Variants in KIAA1217 observed in about 807,000 individuals in gnomAD.
KIAA1217 encodes the protein KIAA1217, also known as sickle tail protein homolog.
A neutral mutation model predicts 163.9 loss-of-function variants in KIAA1217; 88 were observed. The ratio of observed to expected loss-of-function variants is 0.54; its 90% confidence interval spans 0.45 to 0.64. The LOEUF is 0.64. KIAA1217 is among the 30% of genes least tolerant of loss of function. The probability of loss-of-function intolerance (pLI) is 0.00; values close to 1 mark genes in which losing one functional copy is unlikely to be tolerated. For synonymous variants in KIAA1217, 903 were observed against 923.1 expected (o/e 0.98, Z 0.39); for missense variants, 2,372 against 2,475.0 (o/e 0.96, Z 0.88).
rs191465768 is a variant in KIAA1217 at position 24,286,121 on chromosome 10, G to A, written c.354+66212G>A. Among the ~76,000 whole-genome samples the A allele has an allele frequency of 3.4e-3, 516 of 152,110 alleles. 3 individuals are homozygous for A. The highest frequency in any genetic ancestry group is 4.3e-3 in the Non-Finnish European group (295 of 67,970). On this transcript the variant is annotated intron_variant, in intron 2 of 20. Transcript: ENST00000376454. ...TCTAGGAGCCTTTTGGCAAAGTCTA[G>A]GTTTTTCTAAGTGTAGAATTGTGTA...
At position 24,069,118 on chromosome 10, in the gene KIAA1217, C is replaced by A. The variant is rs370208521; in HGVS notation, c.-171+61744C>A. ...TGCATTGAGCCAGGGGGCAGAGCTA[C>A]GGCAAGTGTTCATGGGCTAGTTCAA... On this transcript the variant is annotated intron_variant, in intron 2 of 18. Transcript: ENST00000376462. 2.0e-5 allele frequency among the ~76,000 whole-genome samples: 3 copies of A among 152,308 alleles called. No homozygotes were observed. The South Asian group carries it at 6.2e-4, about 32-fold the overall frequency.
intron 11 of KIAA1217, among the ~76,000 whole-genome samples, chr10:24,520,532 T>G (rs2070939541): frequency 6.7e-6 from 1 of 148,544 alleles, no homozygotes. Context: ...CCGGGATGCA[T>G]GTGCCAAACC....
intron 1 of KIAA1217, among the ~76,000 whole-genome samples, chr10:23,780,326 A>G (rs1386650515): frequency 3.3e-5 from 5 of 152,074 alleles, no homozygotes; most frequent in African/African-American, 4.8e-5. Flanking sequence ...GCATGACAAT[A>G]TTATTAACTA....
At chr10:24,357,694 GC>G (rs2049298220) in intron 2 of KIAA1217, among the ~76,000 whole-genome samples, 2 of 152,154 alleles carry the variant, frequency 1.3e-5, no homozygotes, top group Admixed American at 1.3e-4. Context: ...CAAGGAAGGG[GC>G]GTTTTAGTGA....
At chr10:24,433,510 C>T (rs538859740) in intron 4 of KIAA1217, among the ~76,000 whole-genome samples, 16 of 152,028 alleles carry the variant, frequency 1.1e-4, no homozygotes, top group Non-Finnish European at 1.8e-4. Context: ...CTTATAAAAA[C>T]GAGGACAAAT....
intron 2 of KIAA1217, among the ~76,000 whole-genome samples, chr10:24,270,189 AT>A (rs2076640152): frequency 6.6e-6 from 1 of 152,202 alleles, no homozygotes; most frequent in Non-Finnish European, 1.5e-5. Flanking sequence ...CTTTCTTAGT[AT>A]ACCTTTCACG....
chr10:24,485,926 C>G (rs1398571912), intron 6 of KIAA1217, among the ~76,000 whole-genome samples: 1 of 152,164 alleles, frequency 6.6e-6, no homozygotes, highest in Non-Finnish European at 1.5e-5. Context: ...AAAATAAAGT[C>G]CTATCTTCCC....
chr10:24,473,276 C>A lies in KIAA1217; in HGVS notation c.895C>A (p.Arg299Ser). ...AAGAGGAGATGGCCCTGGGGCCCCT[C>A]GCCCCGGATCTACTGCTCATCCACC... The part of the protein sequence containing the change: ...YARGDGPGAP[R>S]PGSTAHPPHA... The change falls in exon 6 of 21, where the codon CGC becomes AGC. Residue 299 changes from arginine (R) to serine (S), a missense_variant. Arg to Ser is a moderately radical substitution (Grantham distance 110, BLOSUM62 -1). This residue lies in a region of KIAA1217 where 1,431 missense variants were observed against 1,470.3 expected (regional missense o/e 0.97). Coordinates refer to ENST00000376454, the MANE Select transcript of KIAA1217 (RefSeq NM_019590.5). 6.6e-7 allele frequency: 1 copy of A among 1,521,972 alleles called. No individual in the cohort carries two copies. Among genetic ancestry groups the A allele is most frequent in the Non-Finnish European group, 8.8e-7 (1 of 1,136,258 alleles). 94.3% of individuals were successfully genotyped at this position (1,521,972 alleles called of 1,614,324 possible). A position where few individuals can be genotyped will look rare whatever the true frequency, so the allele number is the denominator to read the frequency against.
rs752895687 is a variant in KIAA1217, at chr10:24,433,114, A to G, written c.673A>G (p.Lys225Glu). The change falls in exon 4 of 21, where the codon AAA becomes GAA. Residue 225 changes from lysine to glutamate, a missense_variant. Lys to Glu is a moderately conservative substitution (Grantham distance 56). This residue lies in a region of KIAA1217 where 1,431 missense variants were observed against 1,470.3 expected (regional missense o/e 0.97). Coordinates refer to ENST00000376454, the MANE Select transcript of KIAA1217 (RefSeq NM_019590.5). ...TGCCTTTCCACAGCAGCTCACCATG[A>G]AAATGCTGGAATCGCCCAGTGTCGC... is the stretch of plus-strand genomic sequence containing the variant. ...VSAFPQQLTMKMLESPSVAIY... is the reference protein window; with the variant it reads ...VSAFPQQLTMEMLESPSVAIY... 25 of 1,614,052 alleles carry G rather than the reference A, an allele frequency of 1.5e-5. No homozygotes were observed. The highest frequency in any genetic ancestry group is 2.0e-5 in the Non-Finnish European group (24 of 1,180,010).
At chr10:24,097,001 C>T (rs1029096415) in intron 2 of KIAA1217, among the ~76,000 whole-genome samples, 2 of 152,056 alleles carry the variant, frequency 1.3e-5, no homozygotes, top group Non-Finnish European at 2.9e-5. Flanking sequence ...ACACACAGTA[C>T]AATACATTGT....
intron 2 of KIAA1217, among the ~76,000 whole-genome samples, chr10:24,036,471 G>A (rs1463418994): frequency 6.6e-6 from 1 of 152,148 alleles, no homozygotes; most frequent in Non-Finnish European, 1.5e-5. Flanking sequence ...TTGGAACAGG[G>A]TATTTGTCCA....
chr10:24,543,283 A>T lies in KIAA1217; in HGVS notation c.4013A>T (p.Gln1338Leu). Reference sequence around the variant, plus strand: ...GTGCATGATTTTAAAACAGAAGATCAAGAGGTTATCACGACAGATTTTGGC... The same window carrying T: ...GTGCATGATTTTAAAACAGAAGATCTAGAGGTTATCACGACAGATTTTGGC... ...SSVHDFKTED[Q>L]EVITTDFGQV... is the part of the protein sequence containing the mutation. Residue 1338 changes from glutamine to leucine, a missense_variant, in exon 19 of 21, where the codon CAA (glutamine) becomes CTA (leucine). By Grantham distance (113) the Gln-to-Leu change is moderately radical. Transcript: ENST00000376454. The T allele has an allele frequency of 6.2e-7, 1 of 1,614,158 alleles. No individual in the cohort carries two copies. Among genetic ancestry groups the T allele is most frequent in the Non-Finnish European group, 8.5e-7 (1 of 1,180,022 alleles).
intron 2 of KIAA1217, among the ~76,000 whole-genome samples, chr10:24,086,755 C>G (rs1427123071): frequency 6.6e-6 from 1 of 152,086 alleles, no homozygotes; most frequent in Non-Finnish European, 1.5e-5. Flanking sequence ...AGTTTCTTAT[C>G]AGGAGTGGGA....
intron 2 of KIAA1217, among the ~76,000 whole-genome samples, chr10:24,263,197 C>G (rs924625257): frequency 4.6e-5 from 7 of 152,182 alleles, no homozygotes; most frequent in African/African-American, 1.4e-4. Flanking sequence ...TTTAAATACT[C>G]ACGGAAGATT....
intron 2 of KIAA1217, among the ~76,000 whole-genome samples, chr10:24,241,482 G>T (rs2073089942): frequency 1.3e-5 from 2 of 152,076 alleles, no homozygotes. Flanking sequence ...GTACTGCACA[G>T]ACTTAAAATT....
rs1049783914 is a variant in KIAA1217, at chr10:24,541,165, C to T, written c.3535-1528C>T. On this transcript the variant is annotated intron_variant, in intron 17 of 20. Transcript: ENST00000376454. ...CTAGACTCAAGCAATCCTCCTGCCT[C>T]AGCCTCCCGAGTAGCTGGGATTACA... is the stretch of plus-strand genomic sequence containing the variant. Among the ~76,000 whole-genome samples the T allele has an allele frequency of 2.1e-5, 3 of 143,898 alleles. No individual in the cohort carries two copies. In the East Asian group the frequency reaches 6.3e-4, roughly 30 times the overall value. The allele number at this position is 143,898 out of a possible 152,430, so 94.4% of individuals were successfully genotyped here. A position where few individuals can be genotyped will look rare whatever the true frequency, so the allele number is the denominator to read the frequency against.
At chr10:24,269,133 G>A (rs1258246853) in intron 2 of KIAA1217, among the ~76,000 whole-genome samples, 34 of 141,572 alleles carry the variant, frequency 2.4e-4, no homozygotes, top group Non-Finnish European at 4.1e-4. Flanking sequence ...TGGGTGCAGC[G>A]CACCAGCATG....
intron 2 of KIAA1217, among the ~76,000 whole-genome samples, chr10:24,028,520 C>A (rs1848057903): frequency 6.6e-6 from 1 of 151,998 alleles, no homozygotes; most frequent in African/African-American, 2.4e-5. Context: ...GAGATATATG[C>A]ACATTTGTAA....
chr10:24,349,599 T>C (rs2048209060), intron 2 of KIAA1217, among the ~76,000 whole-genome samples: 2 of 152,310 alleles, frequency 1.3e-5, no homozygotes, highest in East Asian at 1.9e-4. Context: ...ACACCTTCTT[T>C]TGCCTGGCCA....
Sources: gnomAD v4.1 joint callset for allele counts (sites outside exome capture counted in the v4.1 genomes callset) on GRCh38, gnomAD v4.1.1 for gene constraint, gnomAD v4.1.1 regional missense constraint, MANE v1.5 for transcripts, NCBI Gene and HGNC (gene_info 2026-07-23, HGNC 2026-07-21) for gene names.